Variants in SLC26A8 observed in about 807,000 individuals in gnomAD.
SLC26A8 encodes solute carrier family 26 member 8, also known as testis anion transporter 1.
In SLC26A8, 70 loss-of-function variants were observed where a neutral mutation model predicts 105.0. The observed-to-expected ratio is 0.67, with a 90% CI of 0.55 to 0.81. The LOEUF is 0.81. SLC26A8 is among the 40% of genes least tolerant of loss of function. The pLI, the probability that SLC26A8 is intolerant of heterozygous loss-of-function variation, is 0.00. For missense variants in SLC26A8, 998 were observed against 1,181.8 expected, an observed-to-expected ratio of 0.84 and a Z score of 2.28; for synonymous variants, 415 against 438.3, an observed-to-expected ratio of 0.95 and a Z score of 0.66.
At position 35,944,088 on chromosome 6, in the gene SLC26A8, C is replaced by T. The variant is rs1197574150; in HGVS notation, c.2725G>A (p.Glu909Lys). 6.2e-7 allele frequency: 1 copy of T among 1,614,078 alleles called. No homozygotes were observed. Among genetic ancestry groups the T allele is most frequent in the Admixed American group, 1.7e-5 (1 of 59,992 alleles). The stretch of plus-strand genomic sequence containing the variant: ...CTAGATTTGGGGTTGGGCTCCATCT[C>T]AGGCTCAGTCTCAGGCTGGGGCTCC... ...EMEPQPETEP[E>K]MEPNPKSRPR... The change falls in exon 20 of 20, where the codon GAG (glutamate) becomes AAG (lysine). Residue 909 changes from glutamate (E) to lysine (K), a missense_variant. Physicochemically the swap from Glu to Lys is moderately conservative, Grantham distance 56. Coordinates refer to ENST00000490799, the MANE Select transcript of SLC26A8 (RefSeq NM_052961.4).
chr6:35,989,913 GTTTGT>G (rs1773686413), intron 7 of SLC26A8: 1 of 100,298 alleles, frequency 1.0e-5, no homozygotes. Context: ...TTGTTTGTTT[GTTTGT>G]TTTCTTTTCT....
At chr6:35,997,332 C>T (rs760454058) in intron 5 of SLC26A8, among the ~76,000 whole-genome samples, 1 of 152,148 alleles carries the variant, frequency 6.6e-6, no homozygotes, top group Non-Finnish European at 1.5e-5. Flanking sequence ...GAATCAAATG[C>T]CAGGTCATCT....
At chr6:35,990,911 C>T (rs920415081) in intron 7 of SLC26A8, among the ~76,000 whole-genome samples, 1 of 151,944 alleles carries the variant, frequency 6.6e-6, no homozygotes, top group Non-Finnish European at 1.5e-5. Flanking sequence ...AAAAAAAAAC[C>T]TTATCCTTGA....
chr6:35,979,007 A>ATTTTTTT lies in SLC26A8; in HGVS notation c.1026-1663_1026-1657dup, dbSNP rs34335766. Among the ~76,000 whole-genome samples the ATTTTTTT allele has an allele frequency of 4.9e-4, 48 of 98,344 alleles. 2 individuals carry two copies. Among genetic ancestry groups the ATTTTTTT allele is most frequent in the South Asian group, 1.7e-3 (5 of 2,928 alleles). 64.5% of individuals were successfully genotyped at this position (98,344 alleles called of 152,430 possible). A position where few individuals can be genotyped will look rare whatever the true frequency, so the allele number is the denominator to read the frequency against. On this transcript the variant is annotated intron_variant, in intron 8 of 19. Coordinates refer to ENST00000490799, the MANE Select transcript of SLC26A8 (RefSeq NM_052961.4). ...AGATACATGCAACCACACCTGGCTA[A>ATTTTTTT]TTTTTTTTTTTTTTTTTTTTTTTTT...
intron 3 of SLC26A8, among the ~76,000 whole-genome samples, chr6:36,007,919 G>C (rs1489242159): frequency 6.6e-6 from 1 of 151,026 alleles, no homozygotes; most frequent in African/African-American, 2.4e-5. Context: ...AGGAAATCGA[G>C]ACCGTCCTGG....
At chr6:35,986,069 T>G (rs903022897) in intron 7 of SLC26A8, among the ~76,000 whole-genome samples, 5 of 141,378 alleles carry the variant, frequency 3.5e-5, no homozygotes, top group Non-Finnish European at 6.1e-5. Context: ...AGTTTTGCTC[T>G]TGTTGCCCAG....
chr6:35,954,829 C>A, intron 17 of SLC26A8: 1 of 288,188 alleles, frequency 3.5e-6, no homozygotes, highest in Non-Finnish European at 6.8e-6. Context: ...CCTGTAGTTC[C>A]AGCTATTCAG....
rs146819478 is a variant in SLC26A8 at position 35,951,339 on chromosome 6, C to T, written c.2296G>A (p.Val766Ile). The T allele has an allele frequency of 2.5e-6, 4 of 1,614,006 alleles. No homozygotes were observed. Among genetic ancestry groups the T allele is most frequent in the Non-Finnish European group, 3.4e-6 (4 of 1,180,036 alleles). The part of the protein sequence containing the change: ...ILIAGCHSSI[V>I]RAFERNDFFD... ...AAATCATTCCTCTCAAATGCCCTGA[C>T]TATGGAAGCTAAAAACCAAACCCAG... is the stretch of plus-strand genomic sequence containing the variant. The change falls in exon 19 of 20, where the codon GTC (valine) becomes ATC (isoleucine). Residue 766 changes from valine (V) to isoleucine (I), a missense_variant. By Grantham distance (29) the Val-to-Ile change is conservative (BLOSUM62 3). Coordinates refer to ENST00000490799, the MANE Select transcript of SLC26A8 (RefSeq NM_052961.4).
intron 19 of SLC26A8, among the ~76,000 whole-genome samples, chr6:35,949,396 C>A (rs1238308261): frequency 6.6e-6 from 1 of 151,942 alleles, no homozygotes; most frequent in Non-Finnish European, 1.5e-5. Context: ...CATGCCATTG[C>A]ACTCCAGCCT....
Position 35,951,391 on chromosome 6 carries a change from G to A in SLC26A8, c.2288-44C>T, listed in dbSNP as rs1278007393. The A allele has an allele frequency of 2.5e-6, 4 of 1,613,940 alleles. No individual in the cohort carries two copies. The Admixed American group carries it at 5.0e-5, about 20-fold the overall frequency. Reference sequence around the variant, plus strand: ...ACACACACAATGTCAGATACTTGGGGAGCAGAGGACCCAGGGTGCAAAACA... The same window carrying A: ...ACACACACAATGTCAGATACTTGGGAAGCAGAGGACCCAGGGTGCAAAACA... On this transcript the variant is annotated intron_variant, in intron 18 of 19. Transcript: ENST00000490799.
chr6:35,990,671 T>C (rs1761114414), intron 7 of SLC26A8, among the ~76,000 whole-genome samples: 2 of 152,114 alleles, frequency 1.3e-5, no homozygotes. Flanking sequence ...TACATTAAAA[T>C]AAAAATAAAA....
chr6:36,017,210 GAGA>G (rs1484245211), intron 2 of SLC26A8, among the ~76,000 whole-genome samples: 6,676 of 28,670 alleles, frequency 0.23, 455 homozygotes, highest in African/African-American at 0.42. Context: ...AGGAAGGAAG[GAGA>G]AAAGAAAAGA....
rs571397658 is a variant in SLC26A8 at position 35,981,777 on chromosome 6, G to T, written c.1025+344C>A. Among the ~76,000 whole-genome samples the T allele has an allele frequency of 1.3e-5, 2 of 152,178 alleles. No homozygotes were observed. The highest frequency in any genetic ancestry group is 4.8e-5 in the African/African-American group (2 of 41,446). On this transcript the variant is annotated intron_variant, in intron 8 of 19. Transcript: ENST00000490799. The surrounding 1 kb of genome is among the most constrained non-coding windows in gnomAD (Gnocchi z 4.0). The stretch of plus-strand genomic sequence containing the variant: ...CAGGAGAGAGGCTAGAAAAACCGAG[G>T]CATCTCTTGTCCACCCCTTGAGAAT...
In SLC26A8 at chr6:36,024,586, A is replaced by G; in HGVS notation, c.-85T>C. ...GGCTGGCGGCGCTGCGGACGCGGATACCGGCGGCGGTTCCCGAGCCGTTGT... is the reference window on the plus strand; with the variant it reads ...GGCTGGCGGCGCTGCGGACGCGGATGCCGGCGGCGGTTCCCGAGCCGTTGT... On this transcript the variant is annotated 5_prime_UTR_variant, in exon 1 of 20. Transcript: ENST00000490799. The G allele has an allele frequency of 2.7e-6, 1 of 370,854 alleles. No individual in the cohort carries two copies. The highest frequency in any genetic ancestry group is 5.3e-6 in the Non-Finnish European group (1 of 189,962). 23.0% of individuals were successfully genotyped at this position (370,854 alleles called of 1,614,324 possible).
chr6:35,960,963 G>A (rs369969495), intron 13 of SLC26A8, 30 bp downstream of exon 13: 5 of 1,613,668 alleles, frequency 3.1e-6, no homozygotes, highest in Non-Finnish European at 3.4e-6. Context: ...ACCTTGCCTT[G>A]TTAACCTCCT....
intron 4 of SLC26A8, among the ~76,000 whole-genome samples, chr6:35,999,003 T>A (rs1761442940): frequency 6.6e-6 from 1 of 151,352 alleles, no homozygotes; most frequent in African/African-American, 2.5e-5. Context: ...CAGGCAATTC[T>A]CCTGCCTCAG....
At chr6:35,970,169 C>CTTTGG (rs1772732055) in intron 10 of SLC26A8, among the ~76,000 whole-genome samples, 1 of 152,150 alleles carries the variant, frequency 6.6e-6, no homozygotes, top group Non-Finnish European at 1.5e-5. Flanking sequence ...GAGGGGGTCT[C>CTTTGG]TCGATTCTAA....
intron 2 of SLC26A8, among the ~76,000 whole-genome samples, chr6:36,016,702 T>C (rs1045996101): frequency 6.6e-6 from 1 of 152,244 alleles, no homozygotes; most frequent in African/African-American, 2.4e-5. Flanking sequence ...GACCGTTTAC[T>C]AGGTGAAGAC....
intron 2 of SLC26A8, among the ~76,000 whole-genome samples, chr6:36,016,860 G>A (rs549790659): frequency 6.6e-6 from 1 of 152,238 alleles, no homozygotes; most frequent in South Asian, 2.1e-4. Context: ...ATTCATAGAA[G>A]GAAACATAGA....
Sources: allele counts gnomAD v4.1 joint callset (sites outside exome capture counted in the v4.1 genomes callset), GRCh38; gene constraint gnomAD v4.1.1; non-coding constraint Gnocchi (gnomAD v3.1); transcripts MANE v1.5; gene names NCBI Gene and HGNC (gene_info 2026-07-23, HGNC 2026-07-21).